CYP2U1: variants seen among roughly 807,000 people sequenced by gnomAD.
CYP2U1 encodes cytochrome P450 2U1.
A neutral mutation model predicts 42.8 loss-of-function variants in CYP2U1; 28 were observed. The observed-to-expected ratio is 0.65, with a 90% confidence interval of 0.48 to 0.90. The LOEUF (loss-of-function observed/expected upper bound fraction) is 0.90. Among genes scored for constraint, CYP2U1 ranks in the 40% least tolerant of loss-of-function variants. CYP2U1 has a pLI of 0.00. For missense variants in CYP2U1, 642 were observed against 693.8 expected (o/e 0.93, Z 0.84); for synonymous variants, 296 against 278.9 (o/e 1.06, Z -0.61).
chr4:107,944,100 G>C (rs898589423), intron 1 of CYP2U1, among the ~76,000 whole-genome samples: 2 of 152,030 alleles, frequency 1.3e-5, no homozygotes, highest in African/African-American at 4.8e-5. Context: ...AATCTAGTTG[G>C]GCTATTCATT....
intron 1 of CYP2U1, 118 bp from the exon 2 acceptor site, chr4:107,944,852 T>TATACATATATA: frequency 2.0e-5 from 2 of 98,190 alleles, no homozygotes; most frequent in Non-Finnish European, 1.7e-5. Flanking sequence ...ATATATATAT[T>TATACATATATA]TATATGAGGA....
intron 2 of CYP2U1, among the ~76,000 whole-genome samples, chr4:107,946,075 T>G (rs1185615299): frequency 6.6e-6 from 1 of 152,222 alleles, no homozygotes; most frequent in Non-Finnish European, 1.5e-5. Flanking sequence ...TATTATTAGT[T>G]TCTGTTGCTG....
chr4:107,950,204 TG>T, intron 4 of CYP2U1, 40 bp from the exon 5 acceptor site: 1 of 1,519,946 alleles, frequency 6.6e-7, no homozygotes, highest in Non-Finnish European at 8.9e-7. Flanking sequence ...GGAGAAGGGA[TG>T]GTATTATAAT....
chr4:107,951,682 C>G lies in CYP2U1; in HGVS notation c.*1259C>G, dbSNP rs367855923. 6.6e-6 allele frequency: 1 copy of G among 152,400 alleles called. No individual in the cohort carries two copies. The highest frequency in any genetic ancestry group is 6.5e-5 in the Admixed American group (1 of 15,290). 9.4% of individuals were successfully genotyped at this position (152,400 alleles called of 1,614,324 possible). A position where few individuals can be genotyped will look rare whatever the true frequency, so the allele number is the denominator to read the frequency against. ...GGATTTCCCCCAGTGAGAACATGCTCTAAGGAATGACCACCCCTTTCTTTT... is the reference window on the plus strand; with the variant it reads ...GGATTTCCCCCAGTGAGAACATGCTGTAAGGAATGACCACCCCTTTCTTTT... On this transcript the variant is annotated 3_prime_UTR_variant, in exon 5 of 5. Transcript: ENST00000332884.
intron 4 of CYP2U1, among the ~76,000 whole-genome samples, chr4:107,949,720 A>G (rs1445689477): frequency 6.6e-6 from 1 of 152,202 alleles, no homozygotes; most frequent in Non-Finnish European, 1.5e-5. Flanking sequence ...AAATGTGACT[A>G]GAAATTTTAC....
At position 107,950,746 on chromosome 4, in the gene CYP2U1, A is replaced by T. The variant is rs1407851653; in HGVS notation, c.*323A>T. 3 of 205,674 alleles carry T rather than the reference A, an allele frequency of 1.5e-5. No homozygotes were observed. The East Asian group carries it at 3.4e-4, about 23-fold the overall frequency. 12.7% of individuals were successfully genotyped at this position (205,674 alleles called of 1,614,324 possible). A position where few individuals can be genotyped will look rare whatever the true frequency, so the allele number is the denominator to read the frequency against. Reference sequence around the variant, plus strand: ...TTTCTTAGTGCCTCAGACATCCCATATGTAAAATGAGAGTAATAAAACTTG... The same window carrying T: ...TTTCTTAGTGCCTCAGACATCCCATTTGTAAAATGAGAGTAATAAAACTTG... On this transcript the variant is annotated 3_prime_UTR_variant, in exon 5 of 5. Coordinates refer to ENST00000332884, the MANE Select transcript of CYP2U1 (RefSeq NM_183075.3).
In CYP2U1 at chr4:107,949,365, C is replaced by T; in HGVS notation, c.1304C>T (p.Thr435Ile). 6.4e-7 allele frequency: 1 copy of T among 1,565,868 alleles called. No homozygotes were observed. Among genetic ancestry groups the T allele is most frequent in the Middle Eastern group, 1.7e-4 (1 of 5,834 alleles). ...TTTGTTTTAGTGCTCCAAGGGTATA[C>T]CATTCCTAAAGGCACATTGATCTTA... is the stretch of plus-strand genomic sequence containing the variant. ...TSENTVLQGY[T>I]IPKGTLILPN... The change falls in exon 4 of 5, where the codon ACC becomes ATC. Residue 435 changes from threonine to isoleucine, a missense_variant. Thr to Ile is a moderately conservative substitution (Grantham distance 89). Transcript: ENST00000332884.
intron 1 of CYP2U1, among the ~76,000 whole-genome samples, chr4:107,941,460 T>C (rs2126196591): frequency 6.6e-6 from 1 of 152,276 alleles, no homozygotes; most frequent in South Asian, 2.1e-4. Flanking sequence ...AGAGGACATA[T>C]TCCTCAAAAT....
rs769311510 is a variant in CYP2U1, at chr4:107,945,107, A to G, written c.628A>G (p.Met210Val). The change falls in exon 2 of 5, where the codon ATG becomes GTG. Residue 210 changes from methionine (M) to valine (V), a missense_variant. By Grantham distance (21) the Met-to-Val change is conservative. Coordinates refer to ENST00000332884, the MANE Select transcript of CYP2U1 (RefSeq NM_183075.3). ...IEEFKYVKAE[M>V]QKHGEDPFCP... ...GGAGTTCAAATATGTGAAAGCAGAA[A>G]TGCAAAAGCACGGAGAAGACCCCTT... 6.2e-7 allele frequency: 1 copy of G among 1,613,988 alleles called. No individual in the cohort carries two copies. The highest frequency in any genetic ancestry group is 1.1e-5 in the South Asian group (1 of 91,078).
In CYP2U1 at chr4:107,931,740, A is replaced by C. The variant is rs1732983889; in HGVS notation, c.97A>C (p.Ser33Arg). The C allele has an allele frequency of 1.4e-6, 2 of 1,421,916 alleles. No homozygotes were observed. Among genetic ancestry groups the C allele is most frequent in the Non-Finnish European group, 1.8e-6 (2 of 1,097,722 alleles). 88.1% of individuals were successfully genotyped at this position (1,421,916 alleles called of 1,614,324 possible). Residue 33 changes from serine to arginine, a missense_variant, in exon 1 of 5, where the codon AGC becomes CGC. Coordinates refer to ENST00000332884, the MANE Select transcript of CYP2U1 (RefSeq NM_183075.3). The stretch of plus-strand genomic sequence containing the variant: ...TCTGGGGCTGCTGCGGCTGGACCCC[A>C]GCGGGGGCGCGCTGCTGCTATGCGG... ...APLGLLRLDP[S>R]GGALLLCGLV... is the part of the protein sequence containing the mutation.
rs929055316 is a variant in CYP2U1 at position 107,931,816 on chromosome 4, G to A, written c.173G>A (p.Gly58Asp). 3.3e-6 allele frequency: 5 copies of A among 1,522,032 alleles called. No individual in the cohort carries two copies. The African/African-American group carries it at 5.5e-5, about 17-fold the overall frequency. The allele number at this position is 1,522,032 out of a possible 1,614,324, so 94.3% of individuals were successfully genotyped here. ...TGGCTGCGGAGGCGCCGGGCGCGGG[G>A]CATCCCGCCCGGGCCCACGCCCTGG... ...WSWLRRRRAR[G>D]IPPGPTPWPL... The change falls in exon 1 of 5, where the codon GGC (glycine) becomes GAC (aspartate). Residue 58 changes from glycine (G) to aspartate (D), a missense_variant. Coordinates refer to ENST00000332884, the MANE Select transcript of CYP2U1 (RefSeq NM_183075.3).
intron 1 of CYP2U1, among the ~76,000 whole-genome samples, chr4:107,944,239 T>C (rs1733598963): frequency 6.6e-6 from 1 of 152,182 alleles, no homozygotes; most frequent in Non-Finnish European, 1.5e-5. Context: ...TATCCTTCAG[T>C]TCAGAATGTT....
chr4:107,949,202 A>G, intron 3 of CYP2U1, 148 bp from the exon 4 acceptor site: 1 of 674,728 alleles, frequency 1.5e-6, no homozygotes, highest in East Asian at 3.4e-5. Context: ...GTAAGATCTT[A>G]TCCCTGCCCT....
chr4:107,931,602 T>C lies in CYP2U1; in HGVS notation c.-42T>C. The C allele has an allele frequency of 1.6e-6, 2 of 1,244,554 alleles. No individual in the cohort carries two copies. The highest frequency in any genetic ancestry group is 2.0e-6 in the Non-Finnish European group (2 of 997,060). The allele number at this position is 1,244,554 out of a possible 1,614,324, so 77.1% of individuals were successfully genotyped here. On this transcript the variant is annotated 5_prime_UTR_variant, in exon 1 of 5. Coordinates refer to ENST00000332884, the MANE Select transcript of CYP2U1 (RefSeq NM_183075.3). ...GTCAGGCAGCTGCGTGCGCGTCTCCTCCAGGCAGCAAGGGGAACCCGAGGC... is the reference window on the plus strand; with the variant it reads ...GTCAGGCAGCTGCGTGCGCGTCTCCCCCAGGCAGCAAGGGGAACCCGAGGC...
chr4:107,945,829 C>T (rs1351650130), intron 2 of CYP2U1, among the ~76,000 whole-genome samples: 2 of 152,170 alleles, frequency 1.3e-5, no homozygotes, highest in African/African-American at 2.4e-5. Flanking sequence ...AATCTCTACG[C>T]GTCTGATTCT....
In CYP2U1 at chr4:107,945,332, A is replaced by G. The variant is rs1733659126; in HGVS notation, c.853A>G (p.Lys285Glu). 6.2e-7 allele frequency: 1 copy of G among 1,614,120 alleles called. No individual in the cohort carries two copies. The highest frequency in any genetic ancestry group is 8.5e-7 in the Non-Finnish European group (1 of 1,179,996). ...TTATTACCTTCCCTTTGGACCATTT[A>G]AGGAATTAAGACAAATTGAAAAGGA... ...WLYYLPFGPF[K>E]ELRQIEKDIT... The change falls in exon 2 of 5, where the codon AAG becomes GAG. Residue 285 changes from lysine to glutamate, a missense_variant. By Grantham distance (56) the Lys-to-Glu change is moderately conservative (BLOSUM62 1). Transcript: ENST00000332884.
chr4:107,950,543 G>A lies in CYP2U1; in HGVS notation c.*120G>A. ...TCAGTGGATCCAAGCTGGGCTCAGA[G>A]GTCGGAAGGAGGGTAGAGCACACTG... On this transcript the variant is annotated 3_prime_UTR_variant, in exon 5 of 5. Transcript: ENST00000332884. 9.0e-7 allele frequency: 1 copy of A among 1,113,722 alleles called. No homozygotes were observed. Among genetic ancestry groups the A allele is most frequent in the Non-Finnish European group, 1.2e-6 (1 of 813,332 alleles). 69.0% of individuals were successfully genotyped at this position (1,113,722 alleles called of 1,614,324 possible). A position where few individuals can be genotyped will look rare whatever the true frequency, so the allele number is the denominator to read the frequency against.
At chr4:107,932,213 C>A in intron 1 of CYP2U1, 80 bp downstream of exon 1, 1 of 1,480,768 alleles carries the variant, frequency 6.8e-7, no homozygotes, top group Admixed American at 2.2e-5. Context: ...AGTTCCTGTG[C>A]CCCTTCCGGC....
In CYP2U1 at chr4:107,945,215, A is replaced by G. The variant is rs1451096151; in HGVS notation, c.736A>G (p.Ser246Gly). ...CFGQRFDYTN[S>G]EFKKMLGFMS... The stretch of plus-strand genomic sequence containing the variant: ...TGGCCAGCGCTTTGATTACACTAAT[A>G]GTGAGTTCAAGAAAATGCTTGGTTT... Residue 246 changes from serine to glycine, a missense_variant, in exon 2 of 5, where the codon AGT (serine) becomes GGT (glycine). Physicochemically the swap from Ser to Gly is moderately conservative, Grantham distance 56 (BLOSUM62 0). Coordinates refer to ENST00000332884, the MANE Select transcript of CYP2U1 (RefSeq NM_183075.3). 6.2e-7 allele frequency: 1 copy of G among 1,614,120 alleles called. No homozygotes were observed. Among genetic ancestry groups the G allele is most frequent in the Non-Finnish European group, 8.5e-7 (1 of 1,180,010 alleles).
Sources: gnomAD v4.1 joint callset for allele counts (sites outside exome capture counted in the v4.1 genomes callset) on GRCh38, gnomAD v4.1.1 for gene constraint, MANE v1.5 for transcripts, NCBI Gene and HGNC (gene_info 2026-07-23, HGNC 2026-07-21) for gene names.